Variants in TTC39B observed in about 807,000 individuals in gnomAD.
TTC39B encodes the protein tetratricopeptide repeat protein 39B.
In TTC39B, 92 loss-of-function variants were observed where a neutral mutation model predicts 96.6. That is an observed-to-expected ratio of 0.95 (90% CI 0.80 to 1.13). The LOEUF (loss-of-function observed/expected upper bound fraction) is 1.13. Ranked by LOEUF, TTC39B falls within the 50% of genes most tolerant of loss-of-function variation. The probability of loss-of-function intolerance (pLI) is 0.00; values close to 1 mark genes in which losing one functional copy is unlikely to be tolerated. For synonymous variants in TTC39B, 367 were observed against 299.4 expected (o/e 1.23, Z -2.33); for missense variants, 955 against 809.3 (o/e 1.18, Z -2.18).
intron 2 of TTC39B, among the ~76,000 whole-genome samples, chr9:15,248,602 T>TTGAATGAATGAA (rs56177200): frequency 0.013 from 1,901 of 151,356 alleles, 24 homozygotes; most frequent in African/African-American, 0.02. Context: ...GTAAACATTT[T>TTGAATGAATGAA]TGAATGAATG....
At chr9:15,211,288 C>G in exon 5 of TTC39B, 3 of 1,572,814 alleles carry the variant, frequency 1.9e-6, no homozygotes, top group African/African-American at 2.7e-5. Flanking sequence ...TGTAAAGCGT[C>G]CTTCATGGCA....
chr9:15,222,112 TTTC>T (rs1186213006), intron 3 of TTC39B, among the ~76,000 whole-genome samples: 3 of 152,066 alleles, frequency 2.0e-5, no homozygotes, highest in Non-Finnish European at 2.9e-5. Flanking sequence ...CAGTCAAGGG[TTTC>T]TTTTGTCGTA....
intron 2 of TTC39B, among the ~76,000 whole-genome samples, chr9:15,226,468 T>C (rs2131406560): frequency 6.6e-6 from 1 of 152,336 alleles, no homozygotes; most frequent in South Asian, 2.1e-4. Flanking sequence ...ATCTGCAACA[T>C]GCTGCTGACT....
intron 2 of TTC39B, among the ~76,000 whole-genome samples, chr9:15,263,784 C>G (rs1435116954): frequency 6.6e-6 from 1 of 152,222 alleles, no homozygotes; most frequent in East Asian, 1.9e-4. Context: ...TGGGCTCTAT[C>G]TCTCTCTATT....
At chr9:15,250,830 T>C (rs1023320357) in intron 2 of TTC39B, among the ~76,000 whole-genome samples, 1 of 152,234 alleles carries the variant, frequency 6.6e-6, no homozygotes, top group African/African-American at 2.4e-5. Context: ...TTTCTTATCT[T>C]GCCTCAAGGG....
chr9:15,208,742 G>T (rs768634434), intron 6 of TTC39B, among the ~76,000 whole-genome samples: 1 of 152,110 alleles, frequency 6.6e-6, no homozygotes, highest in Admixed American at 6.6e-5. Context: ...CCATGGTTTT[G>T]GGGTCAACAT....
chr9:15,203,547 C>A (rs1819667136), intron 7 of TTC39B, among the ~76,000 whole-genome samples: 1 of 152,086 alleles, frequency 6.6e-6, no homozygotes, highest in Non-Finnish European at 1.5e-5. Flanking sequence ...AGGCGTGAGC[C>A]ACCCTGCCTG....
chr9:15,183,462 T>G, intron 16 of TTC39B: 3 of 174,646 alleles, frequency 1.7e-5, no homozygotes, highest in African/African-American at 6.3e-5. Flanking sequence ...AATTCCTAGG[T>G]ACAAAAAAAA....
chr9:15,295,035 C>G (rs936756075), intron 1 of TTC39B, among the ~76,000 whole-genome samples: 2 of 152,182 alleles, frequency 1.3e-5, no homozygotes, highest in Non-Finnish European at 2.9e-5. Context: ...TGGGATGTGT[C>G]AAGTAATTTT....
At chr9:15,307,165 G>C in exon 1 of TTC39B, 1 of 1,601,056 alleles carries the variant, frequency 6.2e-7, no homozygotes, top group Non-Finnish European at 8.5e-7. Flanking sequence ...ACCAAGCAGG[G>C]AACTCAGAGC....
chr9:15,261,794 C>G (rs1273986984), intron 2 of TTC39B, among the ~76,000 whole-genome samples: 1 of 152,176 alleles, frequency 6.6e-6, no homozygotes, highest in East Asian at 1.9e-4. Context: ...AATATTTACT[C>G]TTCACATGCC....
At chr9:15,203,344 A>G (rs1443496998) in intron 7 of TTC39B, among the ~76,000 whole-genome samples, 1 of 151,948 alleles carries the variant, frequency 6.6e-6, no homozygotes, top group East Asian at 1.9e-4. Context: ...TCCACCTCCC[A>G]GGTTCAAGTG....
chr9:15,167,017 TATATA>T (rs1564299904), exon 20 of TTC39B: 5 of 8,958 alleles, frequency 5.6e-4, no homozygotes, highest in African/African-American at 1.1e-3. Context: ...TATATATATA[TATATA>T]TATATATTTT....
chr9:15,178,610 A>G (rs957559569), intron 17 of TTC39B, among the ~76,000 whole-genome samples: 8 of 152,208 alleles, frequency 5.3e-5, no homozygotes, highest in African/African-American at 1.7e-4. Flanking sequence ...TGAATTTACT[A>G]TATCAGAACA....
Position 15,264,738 on chromosome 9 carries a change from TATATATATATCTTATA to T in TTC39B, c.275+3160_275+3175del, listed in dbSNP as rs1397483375. Among the ~76,000 whole-genome samples, 4 of 149,328 alleles carry T rather than the reference TATATATATATCTTATA, an allele frequency of 2.7e-5. No homozygotes were observed. In the East Asian group the frequency reaches 7.8e-4, roughly 29 times the overall value. On this transcript the variant is annotated intron_variant, in intron 2 of 19. Transcript: ENST00000512701. Reference sequence around the variant, plus strand: ...CTATATAACAATTTTACTATATATATATATATATATCTTATAACATCATGTTGTATACCTTATATAT... The same window carrying T: ...CTATATAACAATTTTACTATATATATACATCATGTTGTATACCTTATATAT...
At chr9:15,171,730 T>C (rs1308499580) in exon 20 of TTC39B, 10 of 195,134 alleles carry the variant, frequency 5.1e-5, no homozygotes, top group Admixed American at 3.0e-4. Flanking sequence ...ATTAGACTAT[T>C]GCATCTGCAA....
intron 1 of TTC39B, among the ~76,000 whole-genome samples, chr9:15,296,143 C>A (rs939379281): frequency 6.6e-6 from 1 of 152,198 alleles, no homozygotes; most frequent in African/African-American, 2.4e-5. Context: ...AAAAGGAGGA[C>A]CAAGCATTTC....
intron 1 of TTC39B, among the ~76,000 whole-genome samples, chr9:15,279,989 G>A (rs948240886): frequency 1.9e-4 from 27 of 141,702 alleles, no homozygotes; most frequent in African/African-American, 5.7e-4. Context: ...TCCACCCCCC[G>A]GGTTCAAGCG....
intron 17 of TTC39B, among the ~76,000 whole-genome samples, chr9:15,180,421 C>T (rs1384340445): frequency 3.9e-5 from 6 of 152,220 alleles, no homozygotes; most frequent in Non-Finnish European, 8.8e-5. Context: ...CAAATGCTGA[C>T]TCCAGGGATG....
Sources: gnomAD v4.1 joint callset for allele counts (sites outside exome capture counted in the v4.1 genomes callset) on GRCh38, gnomAD v4.1.1 for gene constraint, MANE v1.5 for transcripts, NCBI Gene and HGNC (gene_info 2026-07-23, HGNC 2026-07-21) for gene names.